Variants in SRP68 observed in about 807,000 individuals in gnomAD.
The protein encoded by SRP68 is signal recognition particle 68, also known as signal recognition particle subunit SRP68.
A neutral mutation model predicts 82.2 loss-of-function variants in SRP68; 15 were observed. The observed-to-expected ratio is 0.18, with a 90% CI of 0.12 to 0.28. SRP68 has a LOEUF of 0.28. SRP68 is among the 10% of genes least tolerant of loss of function. The pLI, the probability that SRP68 is intolerant of heterozygous loss-of-function variation, is 1.00. For missense variants in SRP68, 595 were observed against 780.5 expected (o/e 0.76, Z 2.83); for synonymous variants, 261 against 292.6 (o/e 0.89, Z 1.10).
In SRP68 at chr17:76,064,087, T is replaced by A. The variant is rs58471646; in HGVS notation, c.450A>T (p.Arg150=). ...QLKQEANTEP[R]KRFHLLSRLR... is the part of the protein sequence containing the mutation. ...GGCGAGATAACAAGTGAAACCGTTT[T>A]CGGGGTTCAGTGTTGGCTTCCTGTT... is the stretch of plus-strand genomic sequence containing the variant. The change falls in exon 4 of 16, where the codon CGA becomes CGT. Residue 150 remains arginine (R), a synonymous_variant. Transcript: ENST00000307877. 3.7e-6 allele frequency: 6 copies of A among 1,614,172 alleles called. No individual in the cohort carries two copies. Among genetic ancestry groups the A allele is most frequent in the Non-Finnish European group, 5.1e-6 (6 of 1,180,038 alleles).
intron 10 of SRP68, 109 bp downstream of exon 10, chr17:76,047,797 A>G: frequency 1.9e-6 from 1 of 532,992 alleles, no homozygotes; most frequent in Non-Finnish European, 2.7e-6. Context: ...TCAAAAAAAA[A>G]AACAAAGAAA....
intron 4 of SRP68, among the ~76,000 whole-genome samples, chr17:76,062,984 A>T (rs375836816): frequency 6.6e-6 from 1 of 150,558 alleles, no homozygotes; most frequent in South Asian, 2.1e-4. Flanking sequence ...GTTAGCCAGG[A>T]TGGTCTCGAT....
chr17:76,049,247 CTTAA>C (rs1400738456), intron 9 of SRP68: 1 of 152,066 alleles, frequency 6.6e-6, no homozygotes, highest in Non-Finnish European at 1.5e-5. Context: ...AGAGGTAATA[CTTAA>C]TTAACTATCA....
chr17:76,044,753 T>G (rs1005371850), intron 12 of SRP68: 2 of 152,522 alleles, frequency 1.3e-5, no homozygotes, highest in African/African-American at 4.8e-5. Flanking sequence ...TTGTTTTTTT[T>G]GAGATGGAGT....
intron 2 of SRP68, among the ~76,000 whole-genome samples, chr17:76,069,046 A>C (rs2066828672): frequency 1.3e-5 from 2 of 150,926 alleles, no homozygotes; most frequent in African/African-American, 2.4e-5. Flanking sequence ...CCAACCTTTA[A>C]GTCAAAGTAA....
In SRP68 at chr17:76,059,681, T is replaced by C. The variant is rs2066736827; in HGVS notation, c.837+627A>G. Among the ~76,000 whole-genome samples, 3 of 151,618 alleles carry C rather than the reference T, an allele frequency of 2.0e-5. No homozygotes were observed. The South Asian group carries it at 6.2e-4, about 31-fold the overall frequency. On this transcript the variant is annotated intron_variant, in intron 7 of 15. Transcript: ENST00000307877. ...TGAATACTTGGCCGAGAACAGTGGCTCATGCCTGTAATCCCAGAACGCTGG... is the reference window on the plus strand; with the variant it reads ...TGAATACTTGGCCGAGAACAGTGGCCCATGCCTGTAATCCCAGAACGCTGG...
At chr17:76,059,134 A>G (rs1223283100) in intron 7 of SRP68, among the ~76,000 whole-genome samples, 2 of 152,210 alleles carry the variant, frequency 1.3e-5, no homozygotes, top group Non-Finnish European at 2.9e-5. Context: ...CTGTAGTTCC[A>G]GCTACTCAGG....
At position 76,039,389 on chromosome 17, in the gene SRP68, G is replaced by A. The variant is rs907127916; in HGVS notation, c.*317C>T. On this transcript the variant is annotated 3_prime_UTR_variant, in exon 16 of 16. Coordinates refer to ENST00000307877, the MANE Select transcript of SRP68 (RefSeq NM_014230.4). ...TTTCAAGGCCCCATCTGTGCCTGGTGTGGACTCCTGAACGCATTACTGACC... is the reference window on the plus strand; with the variant it reads ...TTTCAAGGCCCCATCTGTGCCTGGTATGGACTCCTGAACGCATTACTGACC... 1 of 541,588 alleles carries A rather than the reference G, an allele frequency of 1.8e-6. No homozygotes were observed. Among genetic ancestry groups the A allele is most frequent in the African/African-American group, 1.9e-5 (1 of 53,376 alleles). 33.5% of individuals were successfully genotyped at this position (541,588 alleles called of 1,614,324 possible). A position where few individuals can be genotyped will look rare whatever the true frequency, so the allele number is the denominator to read the frequency against.
At chr17:76,053,338 G>C (rs535347175) in intron 8 of SRP68, 1 of 328,012 alleles carries the variant, frequency 3.0e-6, no homozygotes, top group Non-Finnish European at 4.4e-6. Context: ...GAGCTACGGC[G>C]CCCGTTTTAA....
Position 76,038,960 on chromosome 17 carries a change from CT to C in SRP68, c.*745del, listed in dbSNP as rs769352217. On this transcript the variant is annotated 3_prime_UTR_variant, in exon 16 of 16. Transcript: ENST00000307877. Reference sequence around the variant, plus strand: ...ATTGGGAAGTCCTGAAAAATAGTGCCTCTAACATGTGTATCTGGCATCAGCC... The same window carrying C: ...ATTGGGAAGTCCTGAAAAATAGTGCCCTAACATGTGTATCTGGCATCAGCC... 7.6e-5 allele frequency: 12 copies of C among 158,932 alleles called. No individual in the cohort carries two copies. The highest frequency in any genetic ancestry group is 1.3e-4 in the Non-Finnish European group (9 of 71,678). The allele number at this position is 158,932 out of a possible 1,614,324, so 9.8% of individuals were successfully genotyped here.
At chr17:76,044,453 G>A (rs951331762) in intron 12 of SRP68, among the ~76,000 whole-genome samples, 24 of 152,208 alleles carry the variant, frequency 1.6e-4, no homozygotes, top group African/African-American at 5.3e-4. Context: ...GCCATGGAGT[G>A]AAGACGGGGC....
At position 76,039,604 on chromosome 17, in the gene SRP68, G is replaced by A. The variant is rs746195039; in HGVS notation, c.*102C>T. 1.7e-5 allele frequency: 20 copies of A among 1,145,922 alleles called. No homozygotes were observed. Among genetic ancestry groups the A allele is most frequent in the Middle Eastern group, 2.0e-4 (1 of 5,056 alleles). 71.0% of individuals were successfully genotyped at this position (1,145,922 alleles called of 1,614,324 possible). A position where few individuals can be genotyped will look rare whatever the true frequency, so the allele number is the denominator to read the frequency against. On this transcript the variant is annotated 3_prime_UTR_variant, in exon 16 of 16. Coordinates refer to ENST00000307877, the MANE Select transcript of SRP68 (RefSeq NM_014230.4). The stretch of plus-strand genomic sequence containing the variant: ...GCCGAAGATGTTAAACTCTTGCCCC[G>A]GGCCAATGCAGACCTGGATTTAATA...
chr17:76,072,299 C>T lies in SRP68; in HGVS notation c.184+9G>A. 2 of 1,611,838 alleles carry T rather than the reference C, an allele frequency of 1.2e-6. No individual in the cohort carries two copies. Among genetic ancestry groups the T allele is most frequent in the Non-Finnish European group, 8.5e-7 (1 of 1,179,342 alleles). On this transcript the variant is annotated intron_variant, in intron 1 of 15. Coordinates refer to ENST00000307877, the MANE Select transcript of SRP68 (RefSeq NM_014230.4). The surrounding 1 kb of genome is among the most constrained non-coding windows in gnomAD (Gnocchi z 4.5). ...TCATTGCGAGTTAGGCCCGATTACTCTAGGATACTCTCCAAACTCAGGCTA... is the reference window on the plus strand; with the variant it reads ...TCATTGCGAGTTAGGCCCGATTACTTTAGGATACTCTCCAAACTCAGGCTA...
rs2066854512 is a variant in SRP68, at chr17:76,071,732, C to A, written c.184+576G>T. 6.6e-6 allele frequency among the ~76,000 whole-genome samples: 1 copy of A among 152,172 alleles called. No individual in the cohort carries two copies. Among genetic ancestry groups the A allele is most frequent in the Non-Finnish European group, 1.5e-5 (1 of 68,040 alleles). On this transcript the variant is annotated intron_variant, in intron 1 of 15. Transcript: ENST00000307877. This position sits in a 1 kb window ranked among gnomAD's most constrained non-coding sequence, Gnocchi z 4.7. Reference sequence around the variant, plus strand: ...CACTGATGGAAACTAGAAACCGATTCCTCCAGCTTATATGAATGACTGTCA... The same window carrying A: ...CACTGATGGAAACTAGAAACCGATTACTCCAGCTTATATGAATGACTGTCA...
At chr17:76,061,619 G>A (rs1484852848) in intron 4 of SRP68, 45 bp from the exon 5 acceptor site, 2 of 1,493,518 alleles carry the variant, frequency 1.3e-6, no homozygotes, top group South Asian at 1.1e-5. Context: ...CAGCAAACCA[G>A]TGCTCCCACT....
chr17:76,051,903 T>C (rs1286906784), intron 8 of SRP68, among the ~76,000 whole-genome samples: 1 of 152,198 alleles, frequency 6.6e-6, no homozygotes, highest in African/African-American at 2.4e-5. Context: ...AATTTATCTA[T>C]CTTTTTATTA....
chr17:76,058,440 G>T (rs1475445279), intron 7 of SRP68, among the ~76,000 whole-genome samples: 1 of 151,982 alleles, frequency 6.6e-6, no homozygotes. Flanking sequence ...AATTTTTTTT[G>T]TAGAGGTGGG....
intron 8 of SRP68, chr17:76,053,615 G>A (rs2066691799): frequency 1.0e-6 from 1 of 985,246 alleles, no homozygotes; most frequent in Non-Finnish European, 1.2e-6. Context: ...GTTCCCACTG[G>A]GAATTTTACA....
At chr17:76,062,611 T>C (rs1391148311) in intron 4 of SRP68, among the ~76,000 whole-genome samples, 1 of 49,266 alleles carries the variant, frequency 2.0e-5, no homozygotes, top group Non-Finnish European at 3.4e-5. Context: ...TTATATATTA[T>C]ATAATATATA....
Sources: gnomAD v4.1 joint callset for allele counts (sites outside exome capture counted in the v4.1 genomes callset) on GRCh38, gnomAD v4.1.1 for gene constraint, Gnocchi (gnomAD v3.1) non-coding constraint, MANE v1.5 for transcripts, NCBI Gene and HGNC (gene_info 2026-07-23, HGNC 2026-07-21) for gene names.